Variants in NUDT9 observed in about 807,000 individuals in gnomAD.
NUDT9 encodes the protein ADP-ribose pyrophosphatase.
In NUDT9, 31 loss-of-function variants were observed where a neutral mutation model predicts 41.0. The ratio of observed to expected loss-of-function variants is 0.76; its 90% confidence interval spans 0.57 to 1.02. NUDT9 has a LOEUF of 1.02. Among genes scored for constraint, NUDT9 ranks in the 50% least tolerant of loss-of-function variants. The pLI is 0.00. For synonymous variants in NUDT9, 146 were observed against 147.6 expected (o/e 0.99, Z 0.08); for missense variants, 380 against 431.4 (o/e 0.88, Z 1.06).
intron 7 of NUDT9, among the ~76,000 whole-genome samples, chr4:87,455,557 A>G (rs963785677): frequency 6.6e-6 from 1 of 151,986 alleles, no homozygotes; most frequent in African/African-American, 2.4e-5. Flanking sequence ...GATAATTCCA[A>G]AATCTCTGCC....
chr4:87,456,596 A>G (rs956518232), intron 7 of NUDT9, among the ~76,000 whole-genome samples: 8 of 152,104 alleles, frequency 5.3e-5, no homozygotes, highest in African/African-American at 9.7e-5. Flanking sequence ...CTGACCCCCT[A>G]GGAGATTTTA....
chr4:87,441,320 C>T (rs907353464), intron 3 of NUDT9, among the ~76,000 whole-genome samples: 2 of 152,114 alleles, frequency 1.3e-5, no homozygotes, highest in Non-Finnish European at 2.9e-5. Flanking sequence ...TTTTAGTCTA[C>T]TTGAAATCTA....
At chr4:87,454,308 A>G in intron 6 of NUDT9, 63 bp from the exon 7 acceptor site, 1 of 849,724 alleles carries the variant, frequency 1.2e-6, no homozygotes, top group Non-Finnish European at 2.0e-6. Flanking sequence ...AGTGAAGGTA[A>G]CATGCTCTGC....
At chr4:87,449,024 A>T in intron 4 of NUDT9, 118 bp from the exon 5 acceptor site, 1 of 590,730 alleles carries the variant, frequency 1.7e-6, no homozygotes, top group Non-Finnish European at 3.0e-6. Flanking sequence ...AGCTGATTTG[A>T]GATAAATTTA....
At chr4:87,430,028 A>G (rs1034904797) in intron 1 of NUDT9, among the ~76,000 whole-genome samples, 5 of 152,172 alleles carry the variant, frequency 3.3e-5, no homozygotes, top group Non-Finnish European at 7.3e-5. Flanking sequence ...GTTAAGGTTA[A>G]GGACTTTGAG....
chr4:87,450,974 A>T (rs1474575518), intron 5 of NUDT9, among the ~76,000 whole-genome samples: 1 of 152,262 alleles, frequency 6.6e-6, no homozygotes, highest in African/African-American at 2.4e-5. Context: ...TATAAGATAC[A>T]TAAGTTAAAT....
chr4:87,434,438 T>G (rs950166901), intron 1 of NUDT9: 4 of 151,186 alleles, frequency 2.6e-5, no homozygotes, highest in African/African-American at 9.7e-5. Flanking sequence ...TTTTTTTTTT[T>G]GTCTAAAATA....
intron 2 of NUDT9, among the ~76,000 whole-genome samples, chr4:87,435,740 T>C (rs188481856): frequency 6.6e-6 from 1 of 152,302 alleles, no homozygotes; most frequent in East Asian, 1.9e-4. Context: ...TCTCACTAAA[T>C]TCATAGAAGT....
intron 4 of NUDT9, among the ~76,000 whole-genome samples, chr4:87,442,449 GTCCCCTATTGTA>G (rs1722244613): frequency 4.6e-5 from 7 of 152,154 alleles, no homozygotes; most frequent in Admixed American, 1.3e-4. Flanking sequence ...AGACATTACT[GTCCCCTATTGTA>G]GAGTTTATAA....
At chr4:87,428,354 T>A (rs757472591) in intron 1 of NUDT9, among the ~76,000 whole-genome samples, 19 of 152,328 alleles carry the variant, frequency 1.2e-4, no homozygotes, top group African/African-American at 4.3e-4. Context: ...TCAACACTTA[T>A]AATTCAGCAA....
chr4:87,434,961 T>A lies in NUDT9; in HGVS notation c.108-20T>A, dbSNP rs774896112. ...ATATTTTTGGTATTTATGTAAAATG[T>A]TTTTCTTTTTCTCCCCCAGAAACTC... is the stretch of plus-strand genomic sequence containing the variant. On this transcript the variant is annotated intron_variant, in intron 1 of 7. Coordinates refer to ENST00000302174, the MANE Select transcript of NUDT9 (RefSeq NM_024047.5). 2 of 1,591,824 alleles carry A rather than the reference T, an allele frequency of 1.3e-6. No homozygotes were observed. The highest frequency in any genetic ancestry group is 2.3e-5 in the South Asian group (2 of 87,412).
chr4:87,432,477 T>G (rs1271585571), intron 1 of NUDT9, among the ~76,000 whole-genome samples: 1 of 151,406 alleles, frequency 6.6e-6, no homozygotes, highest in African/African-American at 2.4e-5. Flanking sequence ...TACCTTTTCC[T>G]TTTTTTTTCT....
chr4:87,441,787 T>A, intron 3 of NUDT9, 42 bp from the exon 4 acceptor site: 1 of 1,480,704 alleles, frequency 6.8e-7, no homozygotes, highest in Non-Finnish European at 9.4e-7. Context: ...GTTAAAAAGA[T>A]GAACACATTC....
chr4:87,449,083 T>G (rs2110186156), intron 4 of NUDT9, 59 bp from the exon 5 acceptor site: 1,314 of 905,250 alleles, frequency 1.5e-3, no homozygotes, highest in Non-Finnish European at 2.0e-3. Flanking sequence ...ATCTCAAGTT[T>G]GAGATAGAAC....
chr4:87,437,549 A>G (rs150284061), intron 2 of NUDT9, among the ~76,000 whole-genome samples: 2,136 of 151,658 alleles, frequency 0.014, 101 homozygotes, highest in African/African-American at 0.043. Context: ...CCACCATGTT[A>G]GCCAGGATGG....
chr4:87,433,714 T>G (rs1213351754), intron 1 of NUDT9, among the ~76,000 whole-genome samples: 1 of 152,238 alleles, frequency 6.6e-6, no homozygotes, highest in Non-Finnish European at 1.5e-5. Flanking sequence ...TAGAAGTCAT[T>G]TAACTTTTTA....
chr4:87,432,918 A>G (rs1263534289), intron 1 of NUDT9, among the ~76,000 whole-genome samples: 1 of 152,022 alleles, frequency 6.6e-6, no homozygotes, highest in African/African-American at 2.4e-5. Context: ...TATTTTGTTG[A>G]GGATTTTCAC....
intron 1 of NUDT9, among the ~76,000 whole-genome samples, chr4:87,432,449 C>T (rs1191437757): frequency 2.6e-5 from 4 of 152,148 alleles, no homozygotes; most frequent in Admixed American, 2.0e-4. Flanking sequence ...AGTTTTACTT[C>T]TTCCTTTCCA....
At chr4:87,430,702 T>C (rs924272239) in intron 1 of NUDT9, among the ~76,000 whole-genome samples, 1 of 152,222 alleles carries the variant, frequency 6.6e-6, no homozygotes, top group Non-Finnish European at 1.5e-5. Flanking sequence ...TGAGCATCTT[T>C]CCATGTGCTT....
Sources: allele counts gnomAD v4.1 joint callset (sites outside exome capture counted in the v4.1 genomes callset), GRCh38; gene constraint gnomAD v4.1.1; transcripts MANE v1.5; gene names NCBI Gene and HGNC (gene_info 2026-07-23, HGNC 2026-07-21).